FARP1: variants seen among roughly 807,000 people sequenced by gnomAD.
The protein encoded by FARP1 is FERM, ARHGEF and pleckstrin domain-containing protein 1.
In FARP1, 52 loss-of-function variants were observed where a neutral mutation model predicts 128.8. That is an observed-to-expected ratio of 0.40 (90% CI 0.32 to 0.51). The LOEUF is 0.51. Among genes scored for constraint, FARP1 ranks in the 20% least tolerant of loss-of-function variants. The pLI is 0.45. For missense variants in FARP1, 1,333 were observed against 1,367.9 expected, an observed-to-expected ratio of 0.97 and a Z score of 0.40; for synonymous variants, 580 against 551.8, an observed-to-expected ratio of 1.05 and a Z score of -0.72.
intron 1 of FARP1, among the ~76,000 whole-genome samples, chr13:98,189,071 A>C (rs1879066948): frequency 6.6e-6 from 1 of 151,976 alleles, no homozygotes; most frequent in Non-Finnish European, 1.5e-5. Context: ...GTCACTTCCC[A>C]TGATGTCCCC....
intron 16 of FARP1, among the ~76,000 whole-genome samples, chr13:98,420,062 C>T (rs1180336280): frequency 2.6e-5 from 4 of 152,132 alleles, no homozygotes; most frequent in Admixed American, 6.5e-5. Context: ...AGAGGGAGCC[C>T]GCACCCTAGG....
intron 2 of FARP1, chr13:98,244,750 A>T (rs1197681314): frequency 1.9e-6 from 3 of 1,556,036 alleles, no homozygotes; most frequent in Non-Finnish European, 2.7e-6. Context: ...CATTCAAAGA[A>T]ATTGATTGGC....
At chr13:98,213,737 G>T (rs1021506530) in intron 2 of FARP1, among the ~76,000 whole-genome samples, 1 of 152,190 alleles carries the variant, frequency 6.6e-6, no homozygotes, top group Non-Finnish European at 1.5e-5. Context: ...GGAGGGAAGA[G>T]TGGTCTTGTG....
At chr13:98,442,617 A>C (rs1406060119) in intron 24 of FARP1, among the ~76,000 whole-genome samples, 4 of 152,090 alleles carry the variant, frequency 2.6e-5, no homozygotes, top group African/African-American at 9.7e-5. Context: ...CCCCAGCTTC[A>C]CACCTCCACC....
chr13:98,430,092 AT>A (rs1024928294), intron 17 of FARP1, among the ~76,000 whole-genome samples: 9 of 150,988 alleles, frequency 6.0e-5, no homozygotes, highest in African/African-American at 2.2e-4. Flanking sequence ...TAAATAAATA[AT>A]TTTTTTTTAA....
At chr13:98,379,206 TA>T (rs1889789130) in intron 6 of FARP1, among the ~76,000 whole-genome samples, 2 of 108,946 alleles carry the variant, frequency 1.8e-5, no homozygotes, top group Non-Finnish European at 3.5e-5. Flanking sequence ...AATATATATA[TA>T]ATATATAATA....
At chr13:98,427,328 T>C (rs1891826482) in intron 17 of FARP1, among the ~76,000 whole-genome samples, 2 of 152,222 alleles carry the variant, frequency 1.3e-5, no homozygotes. Flanking sequence ...TTTTCCTCTC[T>C]CATGTAACAG....
At chr13:98,234,537 T>C (rs1306001825) in intron 2 of FARP1, 1 of 152,202 alleles carries the variant, frequency 6.6e-6, no homozygotes, top group African/African-American at 2.4e-5. Flanking sequence ...TCCACCTCCG[T>C]TTCACAATAC....
intron 2 of FARP1, among the ~76,000 whole-genome samples, chr13:98,289,134 A>G (rs1594363466): frequency 6.6e-6 from 1 of 152,214 alleles, no homozygotes; most frequent in East Asian, 1.9e-4. Flanking sequence ...TTTGGGCTGA[A>G]TTAGTCCTAT....
chr13:98,384,620 T>G, intron 6 of FARP1, 110 bp from the exon 7 acceptor site: 1 of 663,478 alleles, frequency 1.5e-6, no homozygotes, highest in South Asian at 1.8e-5. Flanking sequence ...CCCCACCAAC[T>G]GGGCTCACCT....
rs1280481609 is a variant in FARP1 at position 98,440,755 on chromosome 13, G to A, written c.2715G>A (p.Pro905=). The change falls in exon 24 of 27, where the codon CCG becomes CCA. Residue 905 remains proline (P), a synonymous_variant. Transcript: ENST00000319562. ...ASRTSLERQA[P]HRGNTMVHVC... ...GCACATCGCTGGAGCGCCAGGCCCCGCACCGCGGCAACACAATGGTGCACG... is the reference window on the plus strand; with the variant it reads ...GCACATCGCTGGAGCGCCAGGCCCCACACCGCGGCAACACAATGGTGCACG... 1.2e-5 allele frequency: 19 copies of A among 1,613,162 alleles called. No homozygotes were observed. The highest frequency in any genetic ancestry group is 1.6e-4 in the Middle Eastern group (1 of 6,084).
intron 2 of FARP1, among the ~76,000 whole-genome samples, chr13:98,236,909 T>G (rs1479899393): frequency 2.0e-5 from 3 of 152,102 alleles, no homozygotes; most frequent in Non-Finnish European, 1.5e-5. Flanking sequence ...GAAGAATCAC[T>G]TAAACCCAGG....
chr13:98,411,369 G>A (rs1232782313), intron 15 of FARP1, among the ~76,000 whole-genome samples: 1 of 152,218 alleles, frequency 6.6e-6, no homozygotes, highest in African/African-American at 2.4e-5. Flanking sequence ...CTGAGTTTCT[G>A]ATCCTCTGGG....
intron 2 of FARP1, among the ~76,000 whole-genome samples, chr13:98,306,546 A>C (rs1886169313): frequency 6.6e-6 from 1 of 150,892 alleles, no homozygotes; most frequent in Non-Finnish European, 1.5e-5. Flanking sequence ...AAAGGATCTC[A>C]CTCTGTTGCC....
At chr13:98,224,617 A>C (rs1303005057) in intron 2 of FARP1, among the ~76,000 whole-genome samples, 1 of 151,688 alleles carries the variant, frequency 6.6e-6, no homozygotes, top group Non-Finnish European at 1.5e-5. Flanking sequence ...GGTGAAACAG[A>C]GCTGAGTCCC....
At chr13:98,380,933 G>C (rs1889868740) in intron 6 of FARP1, among the ~76,000 whole-genome samples, 1 of 151,992 alleles carries the variant, frequency 6.6e-6, no homozygotes, top group South Asian at 2.1e-4. Context: ...AAAAATAAAG[G>C]TCTGTTAACA....
intron 1 of FARP1, among the ~76,000 whole-genome samples, chr13:98,153,537 TAA>T (rs1247038999): frequency 4.3e-5 from 1 of 23,058 alleles, no homozygotes; most frequent in Non-Finnish European, 3.2e-4. Context: ...ATATTATATA[TAA>T]ATATGTATAA....
intron 13 of FARP1, chr13:98,396,003 T>C: frequency 5.0e-6 from 2 of 399,166 alleles, no homozygotes; most frequent in Non-Finnish European, 8.8e-6. Context: ...AGGGTCCTCC[T>C]TATGAACGCT....
At chr13:98,337,256 C>G (rs1216104968) in intron 2 of FARP1, among the ~76,000 whole-genome samples, 3 of 152,018 alleles carry the variant, frequency 2.0e-5, no homozygotes, top group African/African-American at 7.2e-5. Context: ...TCCTGTAGTC[C>G]CAGGTTCTTG....
Sources: gnomAD v4.1 joint callset for allele counts (sites outside exome capture counted in the v4.1 genomes callset) on GRCh38, gnomAD v4.1.1 for gene constraint, MANE v1.5 for transcripts, NCBI Gene and HGNC (gene_info 2026-07-23, HGNC 2026-07-21) for gene names.